NCK1: variants seen among roughly 807,000 people sequenced by gnomAD.
NCK1 encodes the protein NCK adaptor protein 1.
NCK1 carries 19 observed loss-of-function variants against 36.6 expected under a neutral mutation model. The observed-to-expected ratio is 0.52, with a 90% confidence interval of 0.36 to 0.76. The LOEUF (loss-of-function observed/expected upper bound fraction) is 0.76. Ranked by LOEUF, NCK1 falls within the 30% of genes least tolerant of loss-of-function variation. The probability of loss-of-function intolerance (pLI) is 0.00; values close to 1 mark genes in which losing one functional copy is unlikely to be tolerated. For missense variants in NCK1, 358 were observed against 445.6 expected, an observed-to-expected ratio of 0.80 and a Z score of 1.77; for synonymous variants, 165 against 156.0, an observed-to-expected ratio of 1.06 and a Z score of -0.43.
intron 1 of NCK1, chr3:136,899,874 T>A: frequency 8.1e-7 from 1 of 1,240,480 alleles, no homozygotes. Context: ...CATCCTTTTT[T>A]TTTTAGGGGT....
chr3:136,904,558 A>G (rs1939632947), intron 1 of NCK1, among the ~76,000 whole-genome samples: 1 of 152,188 alleles, frequency 6.6e-6, no homozygotes, highest in African/African-American at 2.4e-5. Context: ...AAGTGACTAG[A>G]TGCTTTTCTT....
intron 1 of NCK1, among the ~76,000 whole-genome samples, chr3:136,872,752 T>C (rs1938661833): frequency 6.6e-6 from 1 of 152,226 alleles, no homozygotes; most frequent in Admixed American, 6.5e-5. Context: ...GCATTCCAGC[T>C]GCTCCAGCCG....
At position 136,946,139 on chromosome 3, in the gene NCK1, A is replaced by G. The variant is rs371147224; in HGVS notation, c.783A>G (p.Pro261=). 6.8e-6 allele frequency: 11 copies of G among 1,613,716 alleles called. No homozygotes were observed. The highest frequency in any genetic ancestry group is 6.7e-5 in the East Asian group (3 of 44,848). The change falls in exon 3 of 4, where the codon CCA becomes CCG. Residue 261 remains proline (P), a synonymous_variant. Transcript: ENST00000481752. The stretch of plus-strand genomic sequence containing the variant: ...ATCCATTAACTTCAGGTTTGGAACC[A>G]TCACCTCCACAGTGTGATTACATTA... ...QNNPLTSGLE[P]SPPQCDYIRP... is the part of the protein sequence containing the mutation.
At chr3:136,895,300 G>A (rs973692963) in intron 1 of NCK1, among the ~76,000 whole-genome samples, 2 of 151,932 alleles carry the variant, frequency 1.3e-5, no homozygotes, top group East Asian at 1.9e-4. Flanking sequence ...TAAGGCTTTG[G>A]TATGTTTTTG....
At chr3:136,911,413 A>G (rs1447272203) in intron 1 of NCK1, among the ~76,000 whole-genome samples, 2 of 151,984 alleles carry the variant, frequency 1.3e-5, no homozygotes, top group Non-Finnish European at 2.9e-5. Flanking sequence ...ATCCTCATCA[A>G]CCTTTTTATT....
Position 136,899,661 on chromosome 3 carries a change from T to G in NCK1, c.-18-28323T>G, listed in dbSNP as rs1409379414. 8.2e-6 allele frequency: 6 copies of G among 729,674 alleles called. No homozygotes were observed. In the Admixed American group the frequency reaches 1.1e-4, roughly 13 times the overall value. 45.2% of individuals were successfully genotyped at this position (729,674 alleles called of 1,614,324 possible). ...ACCACCATTGTCTTTCTTAGTAATCTTATCCAAATCTAAATAATCACTGGC... is the reference window on the plus strand; with the variant it reads ...ACCACCATTGTCTTTCTTAGTAATCGTATCCAAATCTAAATAATCACTGGC... On this transcript the variant is annotated intron_variant, in intron 1 of 3. Coordinates refer to ENST00000481752, the MANE Select transcript of NCK1 (RefSeq NM_001291999.2).
chr3:136,874,388 C>T (rs1938708506), intron 1 of NCK1, among the ~76,000 whole-genome samples: 1 of 152,152 alleles, frequency 6.6e-6, no homozygotes. Flanking sequence ...GTTGGCTGGG[C>T]AGGCTGGTCT....
chr3:136,915,317 T>C (rs1246990726), intron 1 of NCK1, among the ~76,000 whole-genome samples: 1 of 152,240 alleles, frequency 6.6e-6, no homozygotes, highest in Non-Finnish European at 1.5e-5. Context: ...TAGCATTAAT[T>C]AATCCAGACA....
At chr3:136,894,285 GT>G (rs1939335582) in intron 1 of NCK1, among the ~76,000 whole-genome samples, 1 of 152,126 alleles carries the variant, frequency 6.6e-6, no homozygotes, top group Non-Finnish European at 1.5e-5. Context: ...CCATAAGTGA[GT>G]TACTGGGAGT....
chr3:136,865,140 T>C (rs952589171), intron 1 of NCK1, among the ~76,000 whole-genome samples: 5 of 152,072 alleles, frequency 3.3e-5, no homozygotes, highest in Admixed American at 6.6e-5. Context: ...GTATTTTTAG[T>C]AGAGGCAGGG....
intron 1 of NCK1, 150 bp from the exon 2 acceptor site, chr3:136,927,834 C>T (rs953987765): frequency 3.1e-6 from 2 of 654,948 alleles, no homozygotes; most frequent in African/African-American, 3.7e-5. Context: ...GTCACAGTCT[C>T]TTTAAATTAC....
At chr3:136,880,686 C>T (rs1938908917) in intron 1 of NCK1, among the ~76,000 whole-genome samples, 1 of 152,044 alleles carries the variant, frequency 6.6e-6, no homozygotes, top group Non-Finnish European at 1.5e-5. Flanking sequence ...TAGAGTGCAG[C>T]CTCAATCTCC....
rs1216215578 is a variant in NCK1, at chr3:136,946,061, C to T, written c.705C>T (p.Ile235=). Residue 235 remains isoleucine (I), a synonymous_variant, in exon 3 of 4, where the codon ATC becomes ATT. Transcript: ENST00000481752. ...CAGAGTGGTGGAAATGCAGGAAGAT[C>T]AATGGTATGGTTGGTCTAGTACCAA... ...NDPEWWKCRK[I]NGMVGLVPKN... is the part of the protein sequence containing the mutation. The T allele has an allele frequency of 1.2e-6, 2 of 1,613,796 alleles. No homozygotes were observed. The highest frequency in any genetic ancestry group is 1.7e-6 in the Non-Finnish European group (2 of 1,179,932).
intron 2 of NCK1, among the ~76,000 whole-genome samples, chr3:136,938,930 C>T (rs1278548047): frequency 6.6e-6 from 1 of 152,190 alleles, no homozygotes; most frequent in African/African-American, 2.4e-5. Context: ...ATCTATATTT[C>T]TAAGTGATAT....
intron 1 of NCK1, among the ~76,000 whole-genome samples, chr3:136,912,936 G>A (rs1414109240): frequency 6.6e-6 from 1 of 152,116 alleles, no homozygotes; most frequent in Non-Finnish European, 1.5e-5. Flanking sequence ...AGGATTACAG[G>A]TGTGAGCCAC....
intron 1 of NCK1, among the ~76,000 whole-genome samples, chr3:136,913,842 G>T (rs1240605564): frequency 6.6e-6 from 1 of 152,096 alleles, no homozygotes; most frequent in Non-Finnish European, 1.5e-5. Context: ...CTAATTTTGT[G>T]TATTTTTATT....
At chr3:136,899,870 T>A (rs1939494800) in intron 1 of NCK1, 2 of 1,262,166 alleles carry the variant, frequency 1.6e-6, no homozygotes, top group African/African-American at 3.1e-5. Context: ...AAGCCATCCT[T>A]TTTTTTTTAG....
At chr3:136,933,175 A>C (rs1205910081) in intron 2 of NCK1, among the ~76,000 whole-genome samples, 3 of 152,216 alleles carry the variant, frequency 2.0e-5, no homozygotes, top group Admixed American at 2.0e-4. Context: ...AACACAGTCC[A>C]TGGTGACATT....
At chr3:136,902,180 CTT>C (rs1491380513) in intron 1 of NCK1, among the ~76,000 whole-genome samples, 5 of 108,610 alleles carry the variant, frequency 4.6e-5, no homozygotes, top group Non-Finnish European at 7.5e-5. Flanking sequence ...CTTCTTAACT[CTT>C]TGTTTTTTTT....
Sources: gnomAD v4.1 joint callset for allele counts (sites outside exome capture counted in the v4.1 genomes callset) on GRCh38, gnomAD v4.1.1 for gene constraint, MANE v1.5 for transcripts, NCBI Gene and HGNC (gene_info 2026-07-23, HGNC 2026-07-21) for gene names.